The following PCDHA8 variants were observed in gnomAD, a reference collection of about 807,000 sequenced individuals.
PCDHA8 encodes the protein protocadherin alpha 8.
A neutral mutation model predicts 61.8 loss-of-function variants in PCDHA8; 53 were observed. That is an observed-to-expected ratio of 0.86 (90% confidence interval 0.69 to 1.08). The LOEUF (loss-of-function observed/expected upper bound fraction) is 1.08. PCDHA8 is among the 50% of genes least tolerant of loss of function. The pLI is 0.00. For synonymous variants in PCDHA8, 618 were observed against 556.6 expected (o/e 1.11, Z -1.55); for missense variants, 1,293 against 1,245.0 (o/e 1.04, Z -0.58).
At chr5:140,925,257 C>A (rs1336613869) in intron 1 of PCDHA8, among the ~76,000 whole-genome samples, 2 of 152,110 alleles carry the variant, frequency 1.3e-5, no homozygotes, top group East Asian at 3.8e-4. Context: ...AACTTTAATT[C>A]TTGATCTGTG....
At chr5:141,008,352 A>C (rs549122044) in intron 3 of PCDHA8, among the ~76,000 whole-genome samples, 2 of 152,322 alleles carry the variant, frequency 1.3e-5, no homozygotes, top group South Asian at 4.1e-4. Flanking sequence ...TTCACGTGTC[A>C]ACCAAAGGAG....
At chr5:140,918,694 T>C (rs1260893633) in intron 1 of PCDHA8, among the ~76,000 whole-genome samples, 2 of 152,186 alleles carry the variant, frequency 1.3e-5, no homozygotes, top group Non-Finnish European at 2.9e-5. Flanking sequence ...CAAACATAAT[T>C]AAGTCATGAG....
chr5:140,857,348 C>T lies in PCDHA8; in HGVS notation c.2394+13633C>T, dbSNP rs782358430. 9.4e-6 allele frequency: 15 copies of T among 1,598,398 alleles called. 2 individuals carry two copies. The highest frequency in any genetic ancestry group is 6.7e-5 in the African/African-American group (5 of 74,370). On this transcript the variant is annotated intron_variant, in intron 1 of 3. Coordinates refer to ENST00000531613, the MANE Select transcript of PCDHA8 (RefSeq NM_018911.3). ...CGCGCGGGACGGGGGCTCGCCTCCG[C>T]TGTGGGCCACGGCCAGCGTGTCTGT... is the stretch of plus-strand genomic sequence containing the variant.
At chr5:140,929,349 A>G in intron 1 of PCDHA8, 1 of 1,530,382 alleles carries the variant, frequency 6.5e-7, no homozygotes, top group Non-Finnish European at 8.8e-7. Context: ...ATGGAATTTG[A>G]TTCCTTTGGC....
chr5:140,862,502 G>A (rs2047397445), intron 1 of PCDHA8: 2 of 398,710 alleles, frequency 5.0e-6, no homozygotes, highest in Non-Finnish European at 5.0e-6. Flanking sequence ...TCGGAATGGG[G>A]ACTCGCTTTC....
At chr5:140,924,588 T>C (rs2081910916) in intron 1 of PCDHA8, among the ~76,000 whole-genome samples, 1 of 152,212 alleles carries the variant, frequency 6.6e-6, no homozygotes, top group East Asian at 1.9e-4. Context: ...TCAAATATTA[T>C]AGAAATATGC....
intron 1 of PCDHA8, among the ~76,000 whole-genome samples, chr5:140,873,504 T>TTTTTTTTTTTTTTTTTTTTTTTGAG: frequency 6.6e-6 from 1 of 152,256 alleles, no homozygotes; most frequent in South Asian, 2.1e-4. Context: ...TTGTGTCTTT[T>TTTTTTTTTTTTTTTTTTTTTTTGAG]ATACTTAATG....
chr5:140,850,140 G>T lies in PCDHA8; in HGVS notation c.2394+6425G>T, dbSNP rs2150469344. ...GGGCGTGCCGCCTCTGGGCAGCAACGTGACGCTGCAGGTGTTCGTGCTGGA... is the reference window on the plus strand; with the variant it reads ...GGGCGTGCCGCCTCTGGGCAGCAACTTGACGCTGCAGGTGTTCGTGCTGGA... On this transcript the variant is annotated intron_variant, in intron 1 of 3. Transcript: ENST00000531613. 66 of 1,595,706 alleles carry T rather than the reference G, an allele frequency of 4.1e-5. 9 individuals are homozygous for T. Among genetic ancestry groups the T allele is most frequent in the East Asian group, 6.7e-5 (3 of 44,838 alleles).
At chr5:140,908,662 G>C (rs1489476593) in intron 1 of PCDHA8, among the ~76,000 whole-genome samples, 4 of 152,114 alleles carry the variant, frequency 2.6e-5, no homozygotes, top group Non-Finnish European at 4.4e-5. Context: ...CCTGCCAAAG[G>C]CTCCAAATAG....
In PCDHA8 at chr5:140,843,182, C is replaced by G. The variant is rs2150354761; in HGVS notation, c.1861C>G (p.Pro621Ala). 2 of 1,595,932 alleles carry G rather than the reference C, an allele frequency of 1.3e-6. No homozygotes were observed. The highest frequency in any genetic ancestry group is 2.7e-5 in the African/African-American group (2 of 74,464). The change falls in exon 1 of 4, where the codon CCG becomes GCG. Residue 621 changes from proline (P) to alanine (A), a missense_variant. By Grantham distance (27) the Pro-to-Ala change is conservative. Transcript: ENST00000531613. Reference protein sequence around the residue: ...LQPAASSPRIPFRVGLYTGEI... With the variant: ...LQPAASSPRIAFRVGLYTGEI... The stretch of plus-strand genomic sequence containing the variant: ...GCCAGCTGCAAGCAGCCCTCGCATC[C>G]CGTTCCGCGTGGGGCTGTACACGGG...
At chr5:140,947,647 A>G (rs1192426462) in intron 1 of PCDHA8, among the ~76,000 whole-genome samples, 1 of 151,646 alleles carries the variant, frequency 6.6e-6, no homozygotes, top group African/African-American at 2.4e-5. Flanking sequence ...ATGAACATAT[A>G]TACCTCCATT....
intron 1 of PCDHA8, among the ~76,000 whole-genome samples, chr5:140,934,564 A>T (rs2089922231): frequency 6.6e-6 from 1 of 152,076 alleles, no homozygotes; most frequent in African/African-American, 2.4e-5. Flanking sequence ...TCTTTTTTTT[A>T]ATTAATTGTA....
intron 1 of PCDHA8, among the ~76,000 whole-genome samples, chr5:140,910,284 A>G (rs2153514340): frequency 6.6e-6 from 1 of 152,292 alleles, no homozygotes; most frequent in East Asian, 1.9e-4. Context: ...GAACACCATG[A>G]TTAATCAACA....
At chr5:140,923,577 G>C (rs1456273088) in intron 1 of PCDHA8, among the ~76,000 whole-genome samples, 3 of 152,196 alleles carry the variant, frequency 2.0e-5, no homozygotes, top group Non-Finnish European at 4.4e-5. Context: ...CTGCTAAAGA[G>C]AAGGTTTGTT....
chr5:140,841,516 G>T lies in PCDHA8; in HGVS notation c.195G>T (p.Arg65=). The change falls in exon 1 of 4, where the codon CGG becomes CGT. Residue 65 remains arginine, a synonymous_variant. Coordinates refer to ENST00000531613, the MANE Select transcript of PCDHA8 (RefSeq NM_018911.3). ...ELAELVPRLF[R]VASKRHRDLL... ...CGGAGCTGGTGCCGCGCCTGTTCCGGGTGGCGTCCAAAAGACACCGGGACC... is the reference window on the plus strand; with the variant it reads ...CGGAGCTGGTGCCGCGCCTGTTCCGTGTGGCGTCCAAAAGACACCGGGACC... 6.2e-7 allele frequency: 1 copy of T among 1,612,986 alleles called. No individual in the cohort carries two copies. The highest frequency in any genetic ancestry group is 1.1e-5 in the South Asian group (1 of 91,046).
chr5:140,970,872 T>C (rs2096439604), intron 1 of PCDHA8, among the ~76,000 whole-genome samples: 3 of 152,158 alleles, frequency 2.0e-5, no homozygotes, highest in African/African-American at 7.2e-5. Flanking sequence ...TGATTGAGAG[T>C]AGATTTTTCT....
chr5:140,856,991 T>TA lies in PCDHA8; in HGVS notation c.2394+13277dup, dbSNP rs781903903. ...TATTGACTTTGAGGACAGTAACACT[T>TA]ATGAAATTCATGTAGATGTTACAGA... On this transcript the variant is annotated intron_variant, in intron 1 of 3. Transcript: ENST00000531613. 5.6e-6 allele frequency: 9 copies of TA among 1,595,654 alleles called. No homozygotes were observed. The East Asian group carries it at 1.8e-4, about 32-fold the overall frequency.
intron 3 of PCDHA8, 64 bp downstream of exon 3, chr5:140,982,627 T>A: frequency 6.3e-7 from 1 of 1,581,770 alleles, no homozygotes; most frequent in Non-Finnish European, 8.6e-7. Flanking sequence ...GACCTACTTT[T>A]GTAAGATCAG....
rs555714516 is a variant in PCDHA8, at chr5:140,983,025, A to T, written c.2542+462A>T. Among the ~76,000 whole-genome samples the T allele has an allele frequency of 9.9e-5, 15 of 151,964 alleles. 1 individual carries two copies. The South Asian group carries it at 2.9e-3, about 29-fold the overall frequency. ...AAGAAAAAGGAAGGAAGGAAGGAAG[A>T]TGGTTTCTCATGGAAGTGGAAAATT... On this transcript the variant is annotated intron_variant, in intron 3 of 3. Coordinates refer to ENST00000531613, the MANE Select transcript of PCDHA8 (RefSeq NM_018911.3).
Sources: allele counts gnomAD v4.1 joint callset (sites outside exome capture counted in the v4.1 genomes callset), GRCh38; gene constraint gnomAD v4.1.1; transcripts MANE v1.5; gene names NCBI Gene and HGNC (gene_info 2026-07-23, HGNC 2026-07-21).